GSTCD: variants seen among roughly 807,000 people sequenced by gnomAD.
GSTCD encodes glutathione S-transferase C-terminal domain containing, also known as glutathione S-transferase C-terminal domain-containing protein.
GSTCD carries 44 observed loss-of-function variants against 68.3 expected under a neutral mutation model. The observed-to-expected ratio is 0.64, with a 90% CI of 0.51 to 0.83. GSTCD has a LOEUF of 0.83. GSTCD is among the 40% of genes least tolerant of loss of function. The pLI, the probability that GSTCD is intolerant of heterozygous loss-of-function variation, is 0.00. For missense variants in GSTCD, 739 were observed against 735.9 expected (o/e 1.00, Z -0.05); for synonymous variants, 273 against 255.2 (o/e 1.07, Z -0.67).
chr4:105,728,686 G>T (rs201129239), intron 4 of GSTCD, among the ~76,000 whole-genome samples: 6,042 of 40,722 alleles, frequency 0.15, 154 homozygotes, highest in East Asian at 0.49. Context: ...TAGATATATA[G>T]ATATAGATAT....
chr4:105,839,818 G>A (rs1724266528), intron 10 of GSTCD, among the ~76,000 whole-genome samples: 1 of 152,188 alleles, frequency 6.6e-6, no homozygotes. Flanking sequence ...ATCAAGGGTG[G>A]TGAAGAGATA....
chr4:105,838,477 G>A (rs1372098527), intron 10 of GSTCD, among the ~76,000 whole-genome samples: 7 of 152,126 alleles, frequency 4.6e-5, no homozygotes, highest in African/African-American at 1.7e-4. Flanking sequence ...TATTGTTTTT[G>A]TTGTTGGTTT....
rs370652313 is a variant in GSTCD at position 105,837,848 on chromosome 4, T to G, written c.1665-11T>G. ...TAGAATGATGACTAATTCCTTTTTT[T>G]TCTATTTCAGTGAACAATTCAAGAA... On this transcript the variant is annotated splice_polypyrimidine_tract_variant and intron_variant, in intron 9 of 11. Coordinates refer to ENST00000515279, the MANE Select transcript of GSTCD (RefSeq NM_001370181.1). The G allele has an allele frequency of 1.0e-4, 107 of 1,059,518 alleles. No homozygotes were observed. The African/African-American group carries it at 1.7e-3, about 17-fold the overall frequency. 65.6% of individuals were successfully genotyped at this position (1,059,518 alleles called of 1,614,324 possible).
intron 3 of GSTCD, 136 bp downstream of exon 3, chr4:105,719,663 C>T (rs1205230889): frequency 1.5e-6 from 1 of 662,740 alleles, no homozygotes; most frequent in Non-Finnish European, 2.6e-6. Flanking sequence ...ATTTTCTTAT[C>T]TGTAAAATGG....
chr4:105,771,580 C>G (rs567334896), intron 5 of GSTCD, among the ~76,000 whole-genome samples: 1 of 152,214 alleles, frequency 6.6e-6, no homozygotes, highest in Non-Finnish European at 1.5e-5. Context: ...TTTCAGTTTT[C>G]AGCATATGGC....
chr4:105,830,007 T>C (rs903119046), intron 8 of GSTCD, among the ~76,000 whole-genome samples: 2 of 151,038 alleles, frequency 1.3e-5, no homozygotes, highest in African/African-American at 4.9e-5. Context: ...AAGAAGCAAA[T>C]TTTTTAAATT....
At chr4:105,776,082 G>T (rs764954228) in intron 5 of GSTCD, among the ~76,000 whole-genome samples, 4 of 152,228 alleles carry the variant, frequency 2.6e-5, no homozygotes, top group Non-Finnish European at 4.4e-5. Context: ...GGCTACAGCA[G>T]CTTTGCTGGA....
chr4:105,802,034 C>T (rs1299276760), intron 5 of GSTCD, among the ~76,000 whole-genome samples: 2 of 151,846 alleles, frequency 1.3e-5, no homozygotes, highest in East Asian at 3.9e-4. Flanking sequence ...AAGGATATCC[C>T]TAATTGTAAA....
chr4:105,741,373 C>G (rs1392172859), intron 5 of GSTCD, among the ~76,000 whole-genome samples: 1 of 152,072 alleles, frequency 6.6e-6, no homozygotes, highest in Non-Finnish European at 1.5e-5. Flanking sequence ...TACATATTTT[C>G]TGACACTTCA....
intron 5 of GSTCD, chr4:105,761,412 A>T (rs1361581603): frequency 6.6e-6 from 1 of 152,220 alleles, no homozygotes; most frequent in Non-Finnish European, 1.5e-5. Flanking sequence ...AGTAAGTAAC[A>T]TTCTAGAGTA....
intron 5 of GSTCD, chr4:105,807,074 C>A (rs1272104312): frequency 6.6e-6 from 1 of 152,240 alleles, no homozygotes; most frequent in African/African-American, 2.4e-5. Context: ...CTACTTTCTT[C>A]TTCCAATCTT....
In GSTCD at chr4:105,717,849, A is replaced by G; in HGVS notation, c.236A>G (p.Gln79Arg). Residue 79 changes from glutamine (Q) to arginine (R), a missense_variant, in exon 2 of 12, where the codon CAG becomes CGG. Gln to Arg is a conservative substitution (Grantham distance 43). Transcript: ENST00000515279. ...QDVEIQIISR[Q>R]ELPPIVQNCC... ...GTTGAAATACAGATTATTTCAAGGC[A>G]GGAGCTCCCACCAATAGTCCAAAAT... The G allele has an allele frequency of 6.2e-7, 1 of 1,614,128 alleles. No individual in the cohort carries two copies. Among genetic ancestry groups the G allele is most frequent in the Non-Finnish European group, 8.5e-7 (1 of 1,179,970 alleles).
intron 5 of GSTCD, among the ~76,000 whole-genome samples, chr4:105,762,721 A>T (rs962887935): frequency 2.6e-5 from 4 of 152,132 alleles, no homozygotes; most frequent in African/African-American, 9.7e-5. Flanking sequence ...CTCAGTTTTA[A>T]ATTGATTCAT....
chr4:105,802,913 T>G lies in GSTCD; in HGVS notation c.1241-20041T>G, dbSNP rs145357239. Among the ~76,000 whole-genome samples, 33 of 152,170 alleles carry G rather than the reference T, an allele frequency of 2.2e-4. No homozygotes were observed. The East Asian group carries it at 6.4e-3, about 29-fold the overall frequency. On this transcript the variant is annotated intron_variant, in intron 5 of 11. Coordinates refer to ENST00000515279, the MANE Select transcript of GSTCD (RefSeq NM_001370181.1). ...CCAAGAAGTCTCTGATCTCTTGAAG[T>G]AGTTGGGCAAACACCCTACACTCTA...
At chr4:105,728,800 G>A (rs1466738479) in intron 4 of GSTCD, among the ~76,000 whole-genome samples, 1 of 152,060 alleles carries the variant, frequency 6.6e-6, no homozygotes, top group Non-Finnish European at 1.5e-5. Flanking sequence ...ATAAACAAAT[G>A]TACAGCTTCT....
At chr4:105,837,926 C>T in intron 10 of GSTCD, 37 bp downstream of exon 10, 1 of 810,802 alleles carries the variant, frequency 1.2e-6, no homozygotes, top group South Asian at 1.9e-5. Context: ...TCCTAATACA[C>T]TTTTTATCCT....
intron 5 of GSTCD, among the ~76,000 whole-genome samples, chr4:105,781,801 T>C (rs887423468): frequency 2.7e-5 from 4 of 150,914 alleles, no homozygotes; most frequent in Middle Eastern, 3.2e-3. Flanking sequence ...ATCTTTTTTT[T>C]CTTTTTTTTT....
At chr4:105,796,140 T>C (rs1735876197) in intron 5 of GSTCD, among the ~76,000 whole-genome samples, 1 of 152,150 alleles carries the variant, frequency 6.6e-6, no homozygotes, top group East Asian at 1.9e-4. Context: ...TGGGGAGGCC[T>C]CACAATAATG....
intron 5 of GSTCD, among the ~76,000 whole-genome samples, chr4:105,782,690 C>T (rs1735324051): frequency 6.6e-6 from 1 of 151,966 alleles, no homozygotes; most frequent in African/African-American, 2.4e-5. Context: ...TCAAACGATT[C>T]TCATGCCTCA....
Sources: gnomAD v4.1 joint callset for allele counts (sites outside exome capture counted in the v4.1 genomes callset) on GRCh38, gnomAD v4.1.1 for gene constraint, MANE v1.5 for transcripts, NCBI Gene and HGNC (gene_info 2026-07-23, HGNC 2026-07-21) for gene names.